The following CDK5RAP2 variants were observed in gnomAD, a reference collection of about 807,000 sequenced individuals.
The protein encoded by CDK5RAP2 is CDK5 regulatory subunit-associated protein 2.
CDK5RAP2 carries 147 observed loss-of-function variants against 232.9 expected under a neutral mutation model. The ratio of observed to expected loss-of-function variants is 0.63; its 90% confidence interval spans 0.55 to 0.72. The LOEUF (loss-of-function observed/expected upper bound fraction) is 0.72. CDK5RAP2 is among the 30% of genes least tolerant of loss of function. CDK5RAP2 has a pLI of 0.00. For synonymous variants in CDK5RAP2, 833 were observed against 833.7 expected (o/e 1.00, Z 0.01); for missense variants, 2,195 against 2,231.5 (o/e 0.98, Z 0.33).
intron 25 of CDK5RAP2, among the ~76,000 whole-genome samples, chr9:120,434,912 G>A (rs1328464671): frequency 1.3e-5 from 2 of 152,156 alleles, no homozygotes; most frequent in Non-Finnish European, 2.9e-5. Context: ...AAGGGGAATG[G>A]AAAGCAATAC....
intron 4 of CDK5RAP2, among the ~76,000 whole-genome samples, 181 bp downstream of exon 4, chr9:120,550,611 A>G (rs1433762547): frequency 1.3e-5 from 2 of 152,240 alleles, no homozygotes; most frequent in Non-Finnish European, 2.9e-5. Flanking sequence ...AAAATTAATC[A>G]TGTACCCCTT....
chr9:120,510,600 CCCAGGTTT>C lies in CDK5RAP2; in HGVS notation c.1311+7819_1311+7826del, dbSNP rs1412777684. ...ACACTCACACACACTAAAAGGAGAG[CCCAGGTTT>C]CTGGGCTCTGACAATGTATCAAACT... On this transcript the variant is annotated intron_variant, in intron 12 of 37. Transcript: ENST00000349780. Among the ~76,000 whole-genome samples the C allele has an allele frequency of 2.0e-5, 3 of 152,210 alleles. No individual in the cohort carries two copies. In the East Asian group the frequency reaches 5.8e-4, roughly 29 times the overall value.
intron 28 of CDK5RAP2, among the ~76,000 whole-genome samples, chr9:120,413,850 G>T (rs1022109320): frequency 2.6e-5 from 4 of 151,822 alleles, no homozygotes; most frequent in Non-Finnish European, 4.4e-5. Context: ...AGGGAAGGAG[G>T]AGGGAGGGAG....
Position 120,448,560 on chromosome 9 carries a change from G to A in CDK5RAP2, c.2794-434C>T, listed in dbSNP as rs576603737. ...GTGGCTACTAAGTTGCCAACCCAGC[G>A]GATATTTCCCAGGCTCAGAACTCCC... On this transcript the variant is annotated intron_variant, in intron 21 of 37. Coordinates refer to ENST00000349780, the MANE Select transcript of CDK5RAP2 (RefSeq NM_018249.6). Among the ~76,000 whole-genome samples the A allele has an allele frequency of 5.3e-5, 8 of 152,212 alleles. No homozygotes were observed. In the East Asian group the frequency reaches 5.8e-4, roughly 11 times the overall value.
rs780477221 is a variant in CDK5RAP2 at position 120,439,588 on chromosome 9, C to A, written c.3533G>T (p.Arg1178Leu). 6.2e-7 allele frequency: 1 copy of A among 1,614,068 alleles called. No homozygotes were observed. The highest frequency in any genetic ancestry group is 8.5e-7 in the Non-Finnish European group (1 of 1,180,032). Reference sequence around the variant, plus strand: ...GAGGATTTTCACGTGTTTCACGTATCGCACTTGGTGCAAACTTGAAAAGGT... The same window carrying A: ...GAGGATTTTCACGTGTTTCACGTATAGCACTTGGTGCAAACTTGAAAAGGT... ...EMTFSSLHQV[R>L]YVKHVKILGP... Residue 1178 changes from arginine to leucine, a missense_variant, in exon 24 of 38, where the codon CGA becomes CTA. Physicochemically the swap from Arg to Leu is moderately radical, Grantham distance 102. Transcript: ENST00000349780.
chr9:120,491,544 T>G, intron 12 of CDK5RAP2, 67 bp from the exon 13 acceptor site: 1 of 1,110,084 alleles, frequency 9.0e-7, no homozygotes, highest in South Asian at 1.3e-5. Context: ...GTGTTTGACT[T>G]GCTAAATTAC....
intron 35 of CDK5RAP2, among the ~76,000 whole-genome samples, chr9:120,400,477 G>C (rs1274409734): frequency 3.9e-5 from 6 of 152,188 alleles, no homozygotes; most frequent in African/African-American, 1.2e-4. Context: ...AAGTGCCTCA[G>C]CTCCCTGAGT....
chr9:120,430,329 A>G (rs1022272421), intron 25 of CDK5RAP2, among the ~76,000 whole-genome samples: 1 of 152,150 alleles, frequency 6.6e-6, no homozygotes, highest in Non-Finnish European at 1.5e-5. Flanking sequence ...CAGGCAACCT[A>G]CAAAATGGGA....
At chr9:120,551,085 C>T (rs2042025960) in intron 3 of CDK5RAP2, among the ~76,000 whole-genome samples, 183 bp from the exon 4 acceptor site, 1 of 151,890 alleles carries the variant, frequency 6.6e-6, no homozygotes, top group Admixed American at 6.6e-5. Flanking sequence ...TCCCACTAGC[C>T]AAAGTTAGTA....
rs980033678 is a variant in CDK5RAP2, at chr9:120,550,882, T to C, written c.216A>G (p.Lys72=). 2 of 1,611,062 alleles carry C rather than the reference T, an allele frequency of 1.2e-6. No homozygotes were observed. Among genetic ancestry groups the C allele is most frequent in the Admixed American group, 3.3e-5 (2 of 60,028 alleles). ...DFENQITELK[K]ENFNLKLRIY... is the part of the protein sequence containing the mutation. ...TGCGGAGCTTTAGGTTAAAGTTTTC[T>C]TTCTTCAATTCAGTGATTTGCTGAA... Residue 72 remains lysine (K), a synonymous_variant, in exon 4 of 38, where the codon AAA becomes AAG. Coordinates refer to ENST00000349780, the MANE Select transcript of CDK5RAP2 (RefSeq NM_018249.6).
intron 22 of CDK5RAP2, among the ~76,000 whole-genome samples, chr9:120,446,527 G>C (rs867153792): frequency 9.9e-5 from 15 of 152,096 alleles, no homozygotes; most frequent in Admixed American, 6.5e-5. Flanking sequence ...CACTCGGCCT[G>C]TCAACTCCCA....
At chr9:120,479,776 C>T (rs1311304427) in intron 14 of CDK5RAP2, among the ~76,000 whole-genome samples, 1 of 152,170 alleles carries the variant, frequency 6.6e-6, no homozygotes, top group Non-Finnish European at 1.5e-5. Context: ...AAGGCATGAT[C>T]CTGAATAGGA....
intron 3 of CDK5RAP2, among the ~76,000 whole-genome samples, chr9:120,568,092 C>A (rs1236985866): frequency 1.3e-5 from 2 of 152,160 alleles, no homozygotes; most frequent in Non-Finnish European, 2.9e-5. Context: ...AAAGTTTCAC[C>A]CAAAGTTGAA....
rs372601631 is a variant in CDK5RAP2, at chr9:120,528,732, G to A, written c.879+12C>T. The A allele has an allele frequency of 9.8e-5, 151 of 1,546,472 alleles. 1 individual carries two copies. The African/African-American group carries it at 1.8e-3, about 19-fold the overall frequency. On this transcript the variant is annotated intron_variant, in intron 9 of 37. Transcript: ENST00000349780. The stretch of plus-strand genomic sequence containing the variant: ...AATCTTCAATACATTTTTTAAAATT[G>A]TATCAACATACCTGGATCCTCTCTT...
At chr9:120,535,641 T>C (rs930308517) in intron 7 of CDK5RAP2, among the ~76,000 whole-genome samples, 4 of 152,260 alleles carry the variant, frequency 2.6e-5, no homozygotes, top group African/African-American at 9.6e-5. Context: ...AAGAGTATCA[T>C]AATGTAAGGT....
rs758282176 is a variant in CDK5RAP2 at position 120,453,805 on chromosome 9, GA to G, written c.2443del (p.Ser815LeufsTer35). On this transcript the variant is annotated frameshift_variant, in exon 21 of 38. Coordinates refer to ENST00000349780, the MANE Select transcript of CDK5RAP2 (RefSeq NM_018249.6). LOFTEE classifies it high-confidence loss of function. ...GQLFLTEQEV[S>X]GEHLDGKTEK... ...AGTTTTACCATCAAGGTGTTCTCCA[GA>G]AACTTCCTGCTCTGTCAAGAATAGT... 3 of 1,614,194 alleles carry G rather than the reference GA, an allele frequency of 1.9e-6. No individual in the cohort carries two copies. The East Asian group carries it at 6.7e-5, about 36-fold the overall frequency.
At chr9:120,471,717 CAA>C in intron 16 of CDK5RAP2, 29 bp downstream of exon 16, 1 of 1,613,790 alleles carries the variant, frequency 6.2e-7, no homozygotes, top group Non-Finnish European at 8.5e-7. Context: ...GTGGAAAAAC[CAA>C]AGAGAAGCAC....
intron 14 of CDK5RAP2, among the ~76,000 whole-genome samples, chr9:120,484,277 C>T (rs561707599): frequency 5.3e-5 from 8 of 152,234 alleles, no homozygotes; most frequent in Non-Finnish European, 1.2e-4. Flanking sequence ...GAACTACGAT[C>T]TGAAAAGCAC....
rs1433875064 is a variant in CDK5RAP2 at position 120,562,308 on chromosome 9, A to G, written c.195+6013T>C. ...ACACTACTCAGCCCTCCATCTGGCC[A>G]GGTTTTTGGAGGGCATGGCCAGGAC... On this transcript the variant is annotated intron_variant, in intron 3 of 37. Transcript: ENST00000349780. 7.9e-5 allele frequency among the ~76,000 whole-genome samples: 12 copies of G among 152,260 alleles called. No individual in the cohort carries two copies. In the East Asian group the frequency reaches 2.3e-3, roughly 29 times the overall value.
Sources: gnomAD v4.1 joint callset for allele counts (sites outside exome capture counted in the v4.1 genomes callset) on GRCh38, gnomAD v4.1.1 for gene constraint, MANE v1.5 for transcripts, NCBI Gene and HGNC (gene_info 2026-07-23, HGNC 2026-07-21) for gene names.